Variants in MRPS22 observed in about 807,000 individuals in gnomAD.
MRPS22 encodes the protein mitochondrial ribosomal protein S22, also known as small ribosomal subunit protein mS22.
Under a neutral mutation model 44.0 loss-of-function variants are expected in MRPS22, and 30 were observed. The ratio of observed to expected loss-of-function variants is 0.68; its 90% CI spans 0.51 to 0.93. The LOEUF (loss-of-function observed/expected upper bound fraction) is 0.93, where lower values mean the gene tolerates loss of function less well. Ranked by LOEUF, MRPS22 falls within the 40% of genes least tolerant of loss-of-function variation. The pLI, the probability that MRPS22 is intolerant of heterozygous loss-of-function variation, is 0.00. For missense variants in MRPS22, 447 were observed against 447.8 expected (o/e 1.00, Z 0.02); for synonymous variants, 165 against 154.4 (o/e 1.07, Z -0.51).
chr3:139,344,272 C>T (rs1002759956), intron 1 of MRPS22, 74 bp downstream of exon 1: 6 of 1,461,996 alleles, frequency 4.1e-6, no homozygotes, highest in Non-Finnish European at 4.6e-6. Context: ...AGGCGAAAAC[C>T]ACGCGATAGC....
chr3:139,355,796 G>A lies in MRPS22; in HGVS notation c.987+6G>A. On this transcript the variant is annotated splice_donor_region_variant and intron_variant, in intron 7 of 7. Coordinates refer to ENST00000680020, the MANE Select transcript of MRPS22 (RefSeq NM_020191.4). ...AGGGAATAAATTTAATCAAGGTAAA[G>A]TTTTTTTTTCATATTGGTTGTTTTG... 6.3e-7 allele frequency: 1 copy of A among 1,599,674 alleles called. No individual in the cohort carries two copies.
Position 139,344,171 on chromosome 3 carries a change from C to A in MRPS22, c.145C>A (p.Pro49Thr). Residue 49 changes from proline (P) to threonine (T), a missense_variant, in exon 1 of 8, where the codon CCA becomes ACA. Coordinates refer to ENST00000680020, the MANE Select transcript of MRPS22 (RefSeq NM_020191.4). ...PLPCSFEMGL[P>T]RRRFSSEAAE... ...ACCTTGCTCTTTCGAGATGGGGCTG[C>A]CACGCCGCCGGTTCAGCTCCGAGGC... is the stretch of plus-strand genomic sequence containing the variant. 6.2e-7 allele frequency: 1 copy of A among 1,611,566 alleles called. No homozygotes were observed. Among genetic ancestry groups the A allele is most frequent in the Non-Finnish European group, 8.5e-7 (1 of 1,179,258 alleles).
intron 3 of MRPS22, chr3:139,349,355 C>A: frequency 2.2e-6 from 1 of 447,376 alleles, no homozygotes; most frequent in Non-Finnish European, 4.5e-6. Flanking sequence ...TCTATGTTAT[C>A]TTCAGAACAC....
Position 139,344,208 on chromosome 3 carries a change from C to G in MRPS22, c.172+10C>G. The G allele has an allele frequency of 6.3e-7, 1 of 1,599,096 alleles. No homozygotes were observed. Among genetic ancestry groups the G allele is most frequent in the Non-Finnish European group, 8.5e-7 (1 of 1,173,818 alleles). On this transcript the variant is annotated intron_variant, in intron 1 of 7. Transcript: ENST00000680020. ...TTCAGCTCCGAGGCCGGTAAGTGAC[C>G]TTCCGGACTTTCGCTGGGGCGTTCT... is the stretch of plus-strand genomic sequence containing the variant.
intron 2 of MRPS22, among the ~76,000 whole-genome samples, chr3:139,347,556 T>C (rs888384529): frequency 6.6e-6 from 1 of 152,142 alleles, no homozygotes; most frequent in Non-Finnish European, 1.5e-5. Flanking sequence ...TATATATCTC[T>C]CTCCAGTAGT....
chr3:139,350,720 G>A (rs1005513023), intron 4 of MRPS22: 1 of 498,540 alleles, frequency 2.0e-6, no homozygotes, highest in Non-Finnish European at 3.6e-6. Context: ...ACAGGCGTGA[G>A]CCACCATGCC....
At chr3:139,345,799 C>A (rs1941030382) in intron 1 of MRPS22, among the ~76,000 whole-genome samples, 1 of 152,076 alleles carries the variant, frequency 6.6e-6, no homozygotes, top group Admixed American at 6.5e-5. Flanking sequence ...TGGCAGTATT[C>A]AAGTACATGA....
At chr3:139,355,056 T>TA (rs1418423199) in intron 6 of MRPS22, among the ~76,000 whole-genome samples, 1 of 152,216 alleles carries the variant, frequency 6.6e-6, no homozygotes, top group African/African-American at 2.4e-5. Flanking sequence ...ATGCTGAAGT[T>TA]AAGACAGATT....
chr3:139,357,065 G>GTTAATA lies in MRPS22; in HGVS notation c.*54_*59dup, dbSNP rs1553775832. The GTTAATA allele has an allele frequency of 1.2e-5, 16 of 1,387,444 alleles. No homozygotes were observed. Among genetic ancestry groups the GTTAATA allele is most frequent in the Non-Finnish European group, 1.6e-5 (16 of 989,454 alleles). 85.9% of individuals were successfully genotyped at this position (1,387,444 alleles called of 1,614,324 possible). A position where few individuals can be genotyped will look rare whatever the true frequency, so the allele number is the denominator to read the frequency against. ...TACTAAATACTGACTACATTTCTCT[G>GTTAATA]TTAATATTGAGCTAAATGTTAAAAA... On this transcript the variant is annotated 3_prime_UTR_variant, in exon 8 of 8. Transcript: ENST00000680020.
In MRPS22 at chr3:139,350,499, C is replaced by T. The variant is rs984162478; in HGVS notation, c.648+177C>T. 6.0e-5 allele frequency: 38 copies of T among 633,652 alleles called. No individual in the cohort carries two copies. In the Middle Eastern group the frequency reaches 2.2e-3, roughly 37 times the overall value. The allele number at this position is 633,652 out of a possible 1,614,324, so 39.3% of individuals were successfully genotyped here. ...CTGAAGTGCAGTGGCGGGATCTCAGCTCACTGCAACCTCCACCTTCTGGTT... is the reference window on the plus strand; with the variant it reads ...CTGAAGTGCAGTGGCGGGATCTCAGTTCACTGCAACCTCCACCTTCTGGTT... On this transcript the variant is annotated intron_variant, in intron 4 of 7. Transcript: ENST00000680020.
chr3:139,345,515 T>G (rs1386871351), intron 1 of MRPS22, among the ~76,000 whole-genome samples: 2 of 150,752 alleles, frequency 1.3e-5, no homozygotes, highest in Admixed American at 1.3e-4. Flanking sequence ...GTTGTGAGTA[T>G]TAAATGGGCT....
At chr3:139,355,905 G>A in intron 7 of MRPS22, 115 bp downstream of exon 7, 2 of 784,332 alleles carry the variant, frequency 2.5e-6, no homozygotes, top group Non-Finnish European at 4.5e-6. Flanking sequence ...GGACATCTGT[G>A]GTCTTGAAAA....
intron 3 of MRPS22, chr3:139,349,004 A>G: frequency 4.0e-6 from 1 of 249,732 alleles, no homozygotes; most frequent in East Asian, 1.1e-4. Flanking sequence ...ACACTATAGA[A>G]TGCTGAGTTT....
chr3:139,353,376 AAT>A (rs1294887447), intron 6 of MRPS22, among the ~76,000 whole-genome samples: 1 of 152,184 alleles, frequency 6.6e-6, no homozygotes, highest in East Asian at 1.9e-4. Context: ...CTGAAGAGAA[AAT>A]AGTTTTTGAG....
chr3:139,348,441 G>A (rs767103693), intron 3 of MRPS22, 117 bp downstream of exon 3: 14 of 994,190 alleles, frequency 1.4e-5, no homozygotes, highest in Admixed American at 1.4e-4. Flanking sequence ...TCCTCTGACT[G>A]GGTGAGACCC....
At chr3:139,352,506 A>G (rs1941169819) in intron 5 of MRPS22, 141 bp from the exon 6 acceptor site, 1 of 705,280 alleles carries the variant, frequency 1.4e-6, no homozygotes, top group Admixed American at 2.1e-5. Context: ...AATCATACCA[A>G]TTGGTTAATG....
chr3:139,348,266 A>G lies in MRPS22; in HGVS notation c.446A>G (p.Glu149Gly), dbSNP rs1012426856. 3 of 1,614,022 alleles carry G rather than the reference A, an allele frequency of 1.9e-6. No homozygotes were observed. In the Admixed American group the frequency reaches 5.0e-5, roughly 27 times the overall value. ...NDVLAEDKIL[E>G]GTETTKYVFT... Reference sequence around the variant, plus strand: ...GTGTTAGCTGAAGATAAGATTTTGGAAGGAACAGAAACAACCAAATATGTG... The same window carrying G: ...GTGTTAGCTGAAGATAAGATTTTGGGAGGAACAGAAACAACCAAATATGTG... The change falls in exon 3 of 8, where the codon GAA (glutamate) becomes GGA (glycine). Residue 149 changes from glutamate to glycine, a missense_variant. Transcript: ENST00000680020.
chr3:139,350,388 T>C lies in MRPS22; in HGVS notation c.648+66T>C, dbSNP rs879208645. On this transcript the variant is annotated intron_variant, in intron 4 of 7. Coordinates refer to ENST00000680020, the MANE Select transcript of MRPS22 (RefSeq NM_020191.4). Reference sequence around the variant, plus strand: ...TGATTTATTTGTAGAACCAGTTGGCTTTGTGCCTTGATCCAGATAAACATT... The same window carrying C: ...TGATTTATTTGTAGAACCAGTTGGCCTTGTGCCTTGATCCAGATAAACATT... 2.5e-6 allele frequency: 4 copies of C among 1,570,990 alleles called. No homozygotes were observed. The South Asian group carries it at 3.4e-5, about 13-fold the overall frequency.
In MRPS22 at chr3:139,357,068, A is replaced by C. The variant is rs775727923; in HGVS notation, c.*54A>C. ...TAAATACTGACTACATTTCTCTGTT[A>C]ATATTGAGCTAAATGTTAAAAAATG... On this transcript the variant is annotated 3_prime_UTR_variant, in exon 8 of 8. Transcript: ENST00000680020. 334 of 1,374,726 alleles carry C rather than the reference A, an allele frequency of 2.4e-4. No individual in the cohort carries two copies. Among genetic ancestry groups the C allele is most frequent in the Non-Finnish European group, 3.3e-4 (326 of 978,988 alleles). 85.2% of individuals were successfully genotyped at this position (1,374,726 alleles called of 1,614,324 possible). A position where few individuals can be genotyped will look rare whatever the true frequency, so the allele number is the denominator to read the frequency against.
Sources: gnomAD v4.1 joint callset for allele counts (sites outside exome capture counted in the v4.1 genomes callset) on GRCh38, gnomAD v4.1.1 for gene constraint, MANE v1.5 for transcripts, NCBI Gene and HGNC (gene_info 2026-07-23, HGNC 2026-07-21) for gene names.